ZNF536: variants seen among roughly 807,000 people sequenced by gnomAD.
The protein encoded by ZNF536 is zinc finger protein 536.
Under a neutral mutation model 84.5 loss-of-function variants are expected in ZNF536, and 13 were observed. That is an observed-to-expected ratio of 0.15 (90% CI 0.10 to 0.24). The LOEUF (loss-of-function observed/expected upper bound fraction) is 0.24, where lower values mean the gene tolerates loss of function less well. Among genes scored for constraint, ZNF536 ranks in the 10% least tolerant of loss-of-function variants. ZNF536 has a pLI of 1.00. For synonymous variants in ZNF536, 811 were observed against 742.5 expected, an observed-to-expected ratio of 1.09 and a Z score of -1.50; for missense variants, 1,536 against 1,747.5, an observed-to-expected ratio of 0.88 and a Z score of 2.16.
intron 1 of ZNF536, among the ~76,000 whole-genome samples, chr19:30,439,955 C>CTTTTTTTTTTTTT (rs1369505835): frequency 2.3e-5 from 3 of 133,056 alleles, no homozygotes; most frequent in East Asian, 2.5e-4. Context: ...CTTTTTCTTT[C>CTTTTTTTTTTTTT]TTTCTTTTTT....
intron 1 of ZNF536, among the ~76,000 whole-genome samples, chr19:30,594,317 GA>G (rs2047374730): frequency 6.6e-6 from 1 of 152,192 alleles, no homozygotes; most frequent in Non-Finnish European, 1.5e-5. Context: ...GGCATGTGCA[GA>G]AAGGCAGGGG....
At chr19:30,226,847 C>G (rs2022642077), upstream of ZNF536, among the ~76,000 whole-genome samples, 1 of 151,950 alleles carries the variant, frequency 6.6e-6, no homozygotes, top group South Asian at 2.1e-4. The surrounding 1 kb of genome is among the most constrained non-coding windows in gnomAD (Gnocchi z 4.6). Flanking sequence ...GGGACGCCTC[C>G]CGTCCCCCCA....
At chr19:30,427,295 G>A (rs1468206549) in intron 1 of ZNF536, among the ~76,000 whole-genome samples, 1 of 152,206 alleles carries the variant, frequency 6.6e-6, no homozygotes, top group Non-Finnish European at 1.5e-5. Context: ...ATGCAGAGAT[G>A]CTTGCCAAGT....
At chr19:30,680,403 TC>T (rs1287625087) in intron 1 of ZNF536, among the ~76,000 whole-genome samples, 2,108 of 63,688 alleles carry the variant, frequency 0.033, 76 homozygotes, top group African/African-American at 0.12. Flanking sequence ...CCCTCCCCCC[TC>T]CCCCCACCCC....
chr19:30,382,538 A>G (rs958976857), intron 1 of ZNF536, among the ~76,000 whole-genome samples: 2 of 151,544 alleles, frequency 1.3e-5, no homozygotes, highest in African/African-American at 4.8e-5. Flanking sequence ...TTGATTAAGC[A>G]TTCTTTTGGT....
intron 2 of ZNF536, among the ~76,000 whole-genome samples, chr19:30,509,308 C>T (rs2055310756): frequency 7.0e-6 from 1 of 143,358 alleles, no homozygotes; most frequent in African/African-American, 2.5e-5. Flanking sequence ...ATATATTATA[C>T]ATACATATAT....
intron 1 of ZNF536, among the ~76,000 whole-genome samples, chr19:30,709,306 C>T (rs1433753616): frequency 6.6e-6 from 1 of 152,176 alleles, no homozygotes; most frequent in Admixed American, 6.5e-5. Context: ...TCATCTTTCT[C>T]CTGGTCCCGA....
At chr19:30,589,758 C>T (rs749728677) in intron 1 of ZNF536, among the ~76,000 whole-genome samples, 1 of 152,182 alleles carries the variant, frequency 6.6e-6, no homozygotes, top group Non-Finnish European at 1.5e-5. Flanking sequence ...TTCTTCAACT[C>T]TGTATCCATC....
rs575831405 is a variant in ZNF536, at chr19:30,674,638, G to T, written c.170-36119G>T. Among the ~76,000 whole-genome samples, 3 of 152,284 alleles carry T rather than the reference G, an allele frequency of 2.0e-5. No individual in the cohort carries two copies. The East Asian group carries it at 5.8e-4, about 29-fold the overall frequency. ...ACCCCACCTGAGAGGTGAGGAAGCTGCCTTTGTCTGGTAAATTGCTGCCCA... is the reference window on the plus strand; with the variant it reads ...ACCCCACCTGAGAGGTGAGGAAGCTTCCTTTGTCTGGTAAATTGCTGCCCA... On this transcript the variant is annotated intron_variant, in intron 1 of 1. Coordinates refer to the ZNF536 transcript ENST00000592773.
At chr19:30,245,856 G>A (rs894450725) in intron 1 of ZNF536, among the ~76,000 whole-genome samples, 2 of 152,252 alleles carry the variant, frequency 1.3e-5, no homozygotes, top group Admixed American at 6.5e-5. Flanking sequence ...GGTTGGCCAC[G>A]CAGTCCCTGC....
downstream of ZNF536, among the ~76,000 whole-genome samples, chr19:30,559,923 C>T (rs1456943513): frequency 1.3e-5 from 2 of 152,106 alleles, no homozygotes; most frequent in Non-Finnish European, 2.9e-5. Context: ...GTGGAAACTT[C>T]TCAAGCTTAG....
chr19:30,587,267 A>G lies in ZNF536; in HGVS notation c.169+37753A>G, dbSNP rs192696102. ...GATCTCAGCAGAGAAATTAACTTCA[A>G]TAATCTATGGATTACAAGACATATC... is the stretch of plus-strand genomic sequence containing the variant. On this transcript the variant is annotated intron_variant, in intron 1 of 1. Transcript: ENST00000592773. Among the ~76,000 whole-genome samples the G allele has an allele frequency of 3.6e-3, 554 of 152,342 alleles. 13 individuals are homozygous for G. Among genetic ancestry groups the G allele is most frequent in the Middle Eastern group, 0.024 (7 of 294 alleles).
chr19:30,317,217 C>T (rs936164384), intron 2 of ZNF536, among the ~76,000 whole-genome samples: 7 of 152,166 alleles, frequency 4.6e-5, no homozygotes, highest in African/African-American at 1.7e-4. Context: ...TCCCCTCTCC[C>T]AGAAGACAGG....
At chr19:30,626,834 C>G (rs984555190) in intron 1 of ZNF536, among the ~76,000 whole-genome samples, 1 of 152,216 alleles carries the variant, frequency 6.6e-6, no homozygotes, top group Non-Finnish European at 1.5e-5. Flanking sequence ...GCCTGCTCCC[C>G]GCACGGCCCC....
rs1441752294 is a variant in ZNF536, at chr19:30,383,709, T to TTC, written c.-3+11155_-3+11156dup. ...CTTCCTTTCTTTTCTTTCTCTTTCT[T>TTC]TCTTTCTTTCTTTCTTTCTTTCTTT... On this transcript the variant is annotated intron_variant, in intron 1 of 4. Transcript: ENST00000355537. Among the ~76,000 whole-genome samples the TTC allele has an allele frequency of 3.2e-3, 168 of 51,858 alleles. 6 individuals are homozygous for TTC. The highest frequency in any genetic ancestry group is 0.027 in the East Asian group (75 of 2,784). The allele number at this position is 51,858 out of a possible 152,430, so 34.0% of individuals were successfully genotyped here. A position where few individuals can be genotyped will look rare whatever the true frequency, so the allele number is the denominator to read the frequency against.
intron 1 of ZNF536, among the ~76,000 whole-genome samples, chr19:30,230,686 A>G (rs919249080): frequency 6.6e-6 from 1 of 152,222 alleles, no homozygotes; most frequent in Non-Finnish European, 1.5e-5. Flanking sequence ...ATCATTGCCC[A>G]CTGAACCCCA....
At chr19:30,497,870 C>A (rs956599482) in intron 2 of ZNF536, among the ~76,000 whole-genome samples, 3 of 152,114 alleles carry the variant, frequency 2.0e-5, no homozygotes, top group Non-Finnish European at 4.4e-5. Context: ...TCCAGAGACA[C>A]CCTCAGAAGC....
At chr19:30,329,992 T>G (rs1166892776) in intron 2 of ZNF536, among the ~76,000 whole-genome samples, 1 of 152,214 alleles carries the variant, frequency 6.6e-6, no homozygotes, top group East Asian at 1.9e-4. Context: ...ATTTATAATC[T>G]TATGATTTAA....
chr19:30,495,060 A>G, intron 2 of ZNF536, among the ~76,000 whole-genome samples: 1 of 151,826 alleles, frequency 6.6e-6, no homozygotes, highest in East Asian at 1.9e-4. Flanking sequence ...CCTAACTGTG[A>G]GTTAGGCTAA....
Sources: allele counts gnomAD v4.1 joint callset (sites outside exome capture counted in the v4.1 genomes callset), GRCh38; gene constraint gnomAD v4.1.1; non-coding constraint Gnocchi (gnomAD v3.1); transcripts MANE v1.5; gene names NCBI Gene and HGNC (gene_info 2026-07-23, HGNC 2026-07-21).